Variants in CERKL observed in about 807,000 individuals in gnomAD.
CERKL encodes the protein CERK like autophagy regulator, also known as ceramide kinase-like protein.
In CERKL, 61 loss-of-function variants were observed where a neutral mutation model predicts 63.4. The ratio of observed to expected loss-of-function variants is 0.96; its 90% CI spans 0.78 to 1.19. The LOEUF (loss-of-function observed/expected upper bound fraction) is 1.19, where lower values mean the gene tolerates loss of function less well. CERKL is among the 50% of genes most tolerant of loss of function. CERKL has a pLI of 0.00. For synonymous variants in CERKL, 250 were observed against 230.5 expected (o/e 1.08, Z -0.77); for missense variants, 675 against 655.5 (o/e 1.03, Z -0.33).
At chr2:181,576,682 C>G (rs1047238099) in intron 2 of CERKL, among the ~76,000 whole-genome samples, 2 of 152,144 alleles carry the variant, frequency 1.3e-5, no homozygotes, top group Non-Finnish European at 2.9e-5. Context: ...CCAAGGGCCA[C>G]CAAACAAGAA....
chr2:181,590,269 C>T (rs1307637642), intron 2 of CERKL, among the ~76,000 whole-genome samples: 1 of 152,124 alleles, frequency 6.6e-6, no homozygotes, highest in Non-Finnish European at 1.5e-5. Flanking sequence ...TCCTGAGTAG[C>T]TGGGATCACA....
chr2:181,650,789 C>T (rs111746991), intron 1 of CERKL, among the ~76,000 whole-genome samples: 1 of 126,658 alleles, frequency 7.9e-6, no homozygotes, highest in Non-Finnish European at 1.6e-5. Context: ...AAAAAAAGAA[C>T]AGAACAAACT....
chr2:181,579,660 T>C (rs942167163), intron 2 of CERKL, among the ~76,000 whole-genome samples: 8 of 151,948 alleles, frequency 5.3e-5, no homozygotes, highest in African/African-American at 1.7e-4. Context: ...CTTTGTATGA[T>C]ATTTAAGAGT....
intron 4 of CERKL, chr2:181,565,347 T>C (rs1688615084): frequency 2.3e-6 from 2 of 885,608 alleles, no homozygotes; most frequent in Middle Eastern, 2.2e-4. Context: ...GAATATAATA[T>C]GTTTTAGTCT....
At chr2:181,656,723 G>A (rs756761329) in intron 1 of CERKL, 46 bp downstream of exon 1, 3 of 1,491,864 alleles carry the variant, frequency 2.0e-6, no homozygotes, top group East Asian at 2.5e-5. Flanking sequence ...CGGGGAGAGG[G>A]AGGAAGCGCG....
chr2:181,606,268 G>C (rs1448816579), intron 1 of CERKL, among the ~76,000 whole-genome samples: 2 of 124,336 alleles, frequency 1.6e-5, no homozygotes, highest in Non-Finnish European at 3.4e-5. Context: ...CAGGGAGTGG[G>C]GGGTGGGAGG....
intron 10 of CERKL, among the ~76,000 whole-genome samples, chr2:181,545,565 A>G (rs1236026480): frequency 1.3e-5 from 2 of 152,206 alleles, no homozygotes; most frequent in Non-Finnish European, 2.9e-5. Flanking sequence ...TGAAAGCTCA[A>G]GTCAGAGCTG....
intron 5 of CERKL, 113 bp from the exon 6 acceptor site, chr2:181,549,821 G>C: frequency 1.3e-6 from 1 of 773,142 alleles, no homozygotes; most frequent in South Asian, 1.5e-5. Context: ...AAATAAACGA[G>C]AATTTATAAA....
At chr2:181,624,584 G>A (rs1175732141) in intron 1 of CERKL, among the ~76,000 whole-genome samples, 1 of 152,140 alleles carries the variant, frequency 6.6e-6, no homozygotes. Flanking sequence ...GGGGGACATC[G>A]TTGGACAGAC....
intron 5 of CERKL, 42 bp from the exon 6 acceptor site, chr2:181,549,750 G>A: frequency 1.6e-6 from 2 of 1,287,772 alleles, no homozygotes; most frequent in Admixed American, 3.4e-5. Flanking sequence ...AGGGTAGAAT[G>A]TGTTCAAACT....
intron 2 of CERKL, among the ~76,000 whole-genome samples, chr2:181,594,208 CT>C (rs1194866839): frequency 2.0e-5 from 3 of 152,188 alleles, no homozygotes; most frequent in African/African-American, 7.2e-5. Context: ...ATGTGAAACT[CT>C]GTTTCAAGTA....
intron 11 of CERKL, 67 bp downstream of exon 11, chr2:181,544,633 T>C: frequency 1.1e-6 from 1 of 894,388 alleles, no homozygotes; most frequent in Admixed American, 2.1e-5. Context: ...CGATGTCAAT[T>C]CTTGCAGCAT....
In CERKL at chr2:181,536,855, G is replaced by C. The variant is rs1462314576; in HGVS notation, c.*1329C>G. 1 of 429,638 alleles carries C rather than the reference G, an allele frequency of 2.3e-6. No individual in the cohort carries two copies. Among genetic ancestry groups the C allele is most frequent in the Non-Finnish European group, 4.6e-6 (1 of 215,264 alleles). The allele number at this position is 429,638 out of a possible 1,614,324, so 26.6% of individuals were successfully genotyped here. ...CTGACTCTGCCTTCATAAGAGAGCT[G>C]TGGCCGAATTTTGAACATCTGTTAT... On this transcript the variant is annotated 3_prime_UTR_variant, in exon 13 of 13. Coordinates refer to ENST00000410087, the MANE Select transcript of CERKL (RefSeq NM_201548.5).
chr2:181,556,216 T>G (rs574826472), intron 5 of CERKL, among the ~76,000 whole-genome samples: 8 of 151,004 alleles, frequency 5.3e-5, no homozygotes, highest in Non-Finnish European at 1.0e-4. Context: ...TTTTCCTTTA[T>G]ATATATATAT....
chr2:181,601,755 T>C (rs1001157553), intron 2 of CERKL, among the ~76,000 whole-genome samples: 1 of 152,166 alleles, frequency 6.6e-6, no homozygotes, highest in Non-Finnish European at 1.5e-5. Flanking sequence ...GGAGCAGTAA[T>C]GTATCAGTCA....
intron 2 of CERKL, among the ~76,000 whole-genome samples, chr2:181,589,867 T>C (rs755719829): frequency 5.9e-5 from 9 of 152,102 alleles, no homozygotes; most frequent in Non-Finnish European, 1.3e-4. Flanking sequence ...CTCTGTTGCC[T>C]AGGCTGGAGT....
intron 5 of CERKL, among the ~76,000 whole-genome samples, chr2:181,556,597 T>C (rs1394705385): frequency 6.6e-6 from 1 of 152,224 alleles, no homozygotes; most frequent in African/African-American, 2.4e-5. Context: ...GGCTGCATAG[T>C]ATTCCATGGT....
chr2:181,650,124 AGG>A (rs1687854751), intron 1 of CERKL: 4 of 129,318 alleles, frequency 3.1e-5, no homozygotes, highest in Admixed American at 7.3e-5. Context: ...GAAGGAAGGA[AGG>A]AAGGAAGGAA....
At chr2:181,589,500 A>G (rs1181071263) in intron 2 of CERKL, among the ~76,000 whole-genome samples, 2 of 152,182 alleles carry the variant, frequency 1.3e-5, no homozygotes, top group African/African-American at 4.8e-5. Flanking sequence ...TCTTTCTAGG[A>G]AGAAAGGATA....
Sources: allele counts gnomAD v4.1 joint callset (sites outside exome capture counted in the v4.1 genomes callset), GRCh38; gene constraint gnomAD v4.1.1; transcripts MANE v1.5; gene names NCBI Gene and HGNC (gene_info 2026-07-23, HGNC 2026-07-21).